The following IL12RB2 variants were observed in gnomAD, a reference collection of about 807,000 sequenced individuals.
IL12RB2 encodes interleukin-12 receptor subunit beta-2.
Under a neutral mutation model 89.4 loss-of-function variants are expected in IL12RB2, and 82 were observed. That is an observed-to-expected ratio of 0.92 (90% CI 0.77 to 1.10). IL12RB2 has a LOEUF of 1.10. IL12RB2 is among the 50% of genes least tolerant of loss of function. The probability of loss-of-function intolerance (pLI) is 0.00; values close to 1 mark genes in which losing one functional copy is unlikely to be tolerated. For missense variants in IL12RB2, 963 were observed against 1,031.9 expected (o/e 0.93, Z 0.92); for synonymous variants, 368 against 370.1 (o/e 0.99, Z 0.07).
At chr1:67,361,264 AAAAC>A (rs948302781) in intron 10 of IL12RB2, among the ~76,000 whole-genome samples, 14 of 152,252 alleles carry the variant, frequency 9.2e-5, no homozygotes, top group African/African-American at 2.7e-4. Context: ...TAAAAGGCAA[AAAAC>A]AAACAAACAA....
At chr1:67,339,142 GA>G (rs1428616257) in intron 9 of IL12RB2, among the ~76,000 whole-genome samples, 1 of 152,194 alleles carries the variant, frequency 6.6e-6, no homozygotes, top group Middle Eastern at 3.2e-3. Context: ...TGAAGAGGGA[GA>G]AGGAGGAAAG....
chr1:67,320,566 T>C, intron 3 of IL12RB2, 122 bp downstream of exon 3: 1 of 1,535,418 alleles, frequency 6.5e-7, no homozygotes, highest in Non-Finnish European at 8.8e-7. Flanking sequence ...ATCTCTGTCA[T>C]TTAAGTGGAT....
chr1:67,373,625 A>G (rs938420961), intron 13 of IL12RB2, among the ~76,000 whole-genome samples: 9 of 152,258 alleles, frequency 5.9e-5, no homozygotes, highest in Non-Finnish European at 1.3e-4. Flanking sequence ...AAATGATGTC[A>G]TGGATCACTC....
At chr1:67,361,830 G>A (rs962309598) in intron 10 of IL12RB2, among the ~76,000 whole-genome samples, 1 of 151,966 alleles carries the variant, frequency 6.6e-6, no homozygotes, top group African/African-American at 2.4e-5. Flanking sequence ...AGGGTAAATG[G>A]CACCCTCCAC....
At chr1:67,325,718 CAAAA>C (rs750381848) in intron 4 of IL12RB2, among the ~76,000 whole-genome samples, 70 of 152,010 alleles carry the variant, frequency 4.6e-4, no homozygotes, top group Admixed American at 1.2e-3. Flanking sequence ...ATGCTAAGGA[CAAAA>C]AAGATATTTA....
At chr1:67,371,895 G>A (rs1010371209) in intron 11 of IL12RB2, among the ~76,000 whole-genome samples, 1 of 152,172 alleles carries the variant, frequency 6.6e-6, no homozygotes, top group African/African-American at 2.4e-5. Context: ...TGTGTCATCT[G>A]CCCTGTCAGA....
At chr1:67,383,476 T>C (rs1394759749) in intron 14 of IL12RB2, among the ~76,000 whole-genome samples, 1 of 152,114 alleles carries the variant, frequency 6.6e-6, no homozygotes, top group African/African-American at 2.4e-5. Context: ...ATTCCAGTAA[T>C]AGCCCAAAAG....
intron 10 of IL12RB2, 60 bp downstream of exon 10, chr1:67,351,149 T>C (rs555557725): frequency 7.5e-6 from 12 of 1,589,432 alleles, no homozygotes; most frequent in Non-Finnish European, 1.0e-5. Context: ...TCATCTCTTA[T>C]CTCCTGCAGG....
rs529722757 is a variant in IL12RB2, at chr1:67,339,393, A to G, written c.1038+690A>G. ...TCCCAGCTACTGGGGAGGCTGAGGCACGAGAATCACTTGAACCCGGGAGGC... is the reference window on the plus strand; with the variant it reads ...TCCCAGCTACTGGGGAGGCTGAGGCGCGAGAATCACTTGAACCCGGGAGGC... On this transcript the variant is annotated intron_variant, in intron 9 of 16. Transcript: ENST00000674203. Among the ~76,000 whole-genome samples the G allele has an allele frequency of 3.9e-3, 594 of 152,138 alleles. 1 individual carries two copies. Among genetic ancestry groups the G allele is most frequent in the African/African-American group, 0.014 (572 of 41,502 alleles).
At chr1:67,364,842 A>G (rs1020071647) in intron 10 of IL12RB2, among the ~76,000 whole-genome samples, 7 of 152,238 alleles carry the variant, frequency 4.6e-5, no homozygotes, top group African/African-American at 1.4e-4. Flanking sequence ...ATCATCTAAC[A>G]ACAGCATAAT....
intron 4 of IL12RB2, among the ~76,000 whole-genome samples, chr1:67,324,691 G>A (rs552530629): frequency 2.0e-5 from 3 of 152,290 alleles, no homozygotes; most frequent in South Asian, 2.1e-4. Flanking sequence ...AAGTTAAAAC[G>A]ACTCTCAGAC....
intron 9 of IL12RB2, among the ~76,000 whole-genome samples, chr1:67,349,558 G>T (rs542031269): frequency 6.6e-6 from 1 of 152,188 alleles, no homozygotes; most frequent in Non-Finnish European, 1.5e-5. Flanking sequence ...CATTTGAAAT[G>T]CTGACTTTAG....
chr1:67,328,950 G>C (rs1359373888), intron 6 of IL12RB2, among the ~76,000 whole-genome samples: 1 of 152,194 alleles, frequency 6.6e-6, no homozygotes, highest in African/African-American at 2.4e-5. Flanking sequence ...AGCATTCCAA[G>C]TTCTGACCAT....
chr1:67,384,894 A>G (rs1047029471), intron 14 of IL12RB2, among the ~76,000 whole-genome samples: 2 of 152,206 alleles, frequency 1.3e-5, no homozygotes, highest in Non-Finnish European at 2.9e-5. Context: ...ATTTTGGTCA[A>G]AGTCACTCGA....
intron 14 of IL12RB2, among the ~76,000 whole-genome samples, chr1:67,384,721 C>T (rs1486569739): frequency 6.6e-6 from 1 of 152,168 alleles, no homozygotes; most frequent in Admixed American, 6.5e-5. Flanking sequence ...TATCCTAAAT[C>T]ATCTCTCTCA....
In IL12RB2 at chr1:67,341,588, G is replaced by GAA. The variant is rs60771542; in HGVS notation, c.1038+2887_1038+2888dup. 4.7e-3 allele frequency among the ~76,000 whole-genome samples: 656 copies of GAA among 140,172 alleles called. 2 individuals carry two copies. The highest frequency in any genetic ancestry group is 5.2e-3 in the African/African-American group (188 of 36,400). 92.0% of individuals were successfully genotyped at this position (140,172 alleles called of 152,430 possible). A position where few individuals can be genotyped will look rare whatever the true frequency, so the allele number is the denominator to read the frequency against. On this transcript the variant is annotated intron_variant, in intron 9 of 16. Coordinates refer to ENST00000674203, the MANE Select transcript of IL12RB2 (RefSeq NM_001374259.2). Reference sequence around the variant, plus strand: ...GAAAGAAAGAAAGAAAGAAAGAAAAGAAAGGAAGGAAAGAAAGAGAAAGCA... The same window carrying GAA: ...GAAAGAAAGAAAGAAAGAAAGAAAAGAAAAAGGAAGGAAAGAAAGAGAAAGCA...
At chr1:67,336,789 A>T (rs536952375) in intron 8 of IL12RB2, among the ~76,000 whole-genome samples, 1 of 152,154 alleles carries the variant, frequency 6.6e-6, no homozygotes, top group Non-Finnish European at 1.5e-5. Context: ...GATAAAACGG[A>T]TTTGTGTTCA....
chr1:67,311,513 A>G (rs534387726), intron 1 of IL12RB2, among the ~76,000 whole-genome samples: 1 of 152,384 alleles, frequency 6.6e-6, no homozygotes, highest in Admixed American at 6.5e-5. Flanking sequence ...GATACTAATC[A>G]TTACTTTATG....
chr1:67,329,479 C>T, intron 6 of IL12RB2, 108 bp from the exon 7 acceptor site: 1 of 772,426 alleles, frequency 1.3e-6, no homozygotes. Flanking sequence ...GATGGTTGTG[C>T]ATCTCAGAAC....
Sources: gnomAD v4.1 joint callset for allele counts (sites outside exome capture counted in the v4.1 genomes callset) on GRCh38, gnomAD v4.1.1 for gene constraint, MANE v1.5 for transcripts, NCBI Gene and HGNC (gene_info 2026-07-23, HGNC 2026-07-21) for gene names.